The following ACLY variants were observed in gnomAD, a reference collection of about 807,000 sequenced individuals.
The protein encoded by ACLY is ATP-citrate synthase.
A neutral mutation model predicts 133.0 loss-of-function variants in ACLY; 41 were observed. The ratio of observed to expected loss-of-function variants is 0.31; its 90% confidence interval spans 0.24 to 0.40. The LOEUF (loss-of-function observed/expected upper bound fraction) is 0.40. ACLY is among the 10% of genes least tolerant of loss of function. ACLY has a pLI of 1.00. For missense variants in ACLY, 1,046 were observed against 1,453.8 expected, an observed-to-expected ratio of 0.72 and a Z score of 4.56; for synonymous variants, 495 against 549.3, an observed-to-expected ratio of 0.90 and a Z score of 1.38.
chr17:41,884,256 G>C lies in ACLY; in HGVS notation c.2091C>G (p.Phe697Leu). The C allele has an allele frequency of 6.2e-7, 1 of 1,611,550 alleles. No homozygotes were observed. The highest frequency in any genetic ancestry group is 8.5e-7 in the Non-Finnish European group (1 of 1,177,768). The change falls in exon 19 of 29, where the codon TTC becomes TTG. Residue 697 changes from phenylalanine (F) to leucine (L), a missense_variant. By Grantham distance (22) the Phe-to-Leu change is conservative. Coordinates refer to ENST00000352035, the MANE Select transcript of ACLY (RefSeq NM_001096.3). ...CCTGATAGCGTAACACATGATCCAT[G>C]AATGTGGAGCCCGGGTACCTGTTGA... ...IGGDRYPGST[F>L]MDHVLRYQDT...
rs181080963 is a variant in ACLY at position 41,871,852 on chromosome 17, G to A, written c.2794-20C>T. 449 of 1,613,056 alleles carry A rather than the reference G, an allele frequency of 2.8e-4. 3 individuals are homozygous for A. In the Admixed American group the frequency reaches 7.0e-3, roughly 25 times the overall value. On this transcript the variant is annotated intron_variant, in intron 24 of 28. Transcript: ENST00000352035. ...ATCCCCCTGGAGGAGAAACAAGTGC[G>A]TGTTGCCTTGAGCTTTAAGAGTTTC...
At chr17:41,924,747 C>T (rs1555635815) in intron 1 of ACLY, among the ~76,000 whole-genome samples, 1 of 152,142 alleles carries the variant, frequency 6.6e-6, no homozygotes, top group African/African-American at 2.4e-5. Flanking sequence ...TGGCTAGTTC[C>T]ACTCCTGGGC....
intron 23 of ACLY, among the ~76,000 whole-genome samples, chr17:41,872,953 C>T (rs1555625378): frequency 6.6e-6 from 1 of 152,168 alleles, no homozygotes; most frequent in Non-Finnish European, 1.5e-5. Flanking sequence ...GACCAAGACC[C>T]ATCTCTCTGC....
At chr17:41,905,815 C>T (rs2049699090) in intron 8 of ACLY, among the ~76,000 whole-genome samples, 157 bp from the exon 9 acceptor site, 1 of 152,202 alleles carries the variant, frequency 6.6e-6, no homozygotes, top group South Asian at 2.1e-4. Flanking sequence ...GCAAGTCTGG[C>T]CTGCAGGTTA....
chr17:41,893,746 C>T (rs181901326), intron 14 of ACLY, among the ~76,000 whole-genome samples: 119 of 152,302 alleles, frequency 7.8e-4, no homozygotes, highest in African/African-American at 2.7e-3. Context: ...GCAGCCTTAT[C>T]GCTAACTGTG....
At chr17:41,926,994 G>A (rs1555636044) in intron 1 of ACLY, among the ~76,000 whole-genome samples, 2 of 151,830 alleles carry the variant, frequency 1.3e-5, no homozygotes, top group African/African-American at 4.8e-5. Flanking sequence ...TCAGCCTCCC[G>A]AGTAACTGGG....
At chr17:41,909,257 G>A (rs1432291060) in intron 5 of ACLY, among the ~76,000 whole-genome samples, 189 bp from the exon 6 acceptor site, 1 of 152,182 alleles carries the variant, frequency 6.6e-6, no homozygotes, top group African/African-American at 2.4e-5. Flanking sequence ...AGGCGGAAAG[G>A]AGCTGTCAGG....
In ACLY at chr17:41,899,067, G is replaced by A. The variant is rs560440409; in HGVS notation, c.1184-282C>T. Among the ~76,000 whole-genome samples, 24 of 152,236 alleles carry A rather than the reference G, an allele frequency of 1.6e-4. No individual in the cohort carries two copies. The East Asian group carries it at 4.3e-3, about 27-fold the overall frequency. On this transcript the variant is annotated intron_variant, in intron 11 of 28. Transcript: ENST00000352035. ...AGGCGGGCAGATCACTTGAGGTCAG[G>A]AGTTTGAGACCAGCCTGGCCAACGT... is the stretch of plus-strand genomic sequence containing the variant.
intron 11 of ACLY, among the ~76,000 whole-genome samples, chr17:41,900,939 A>G (rs2049520354): frequency 6.6e-6 from 1 of 151,154 alleles, no homozygotes; most frequent in East Asian, 1.9e-4. Flanking sequence ...CTTTGCTCAA[A>G]TGTCAGTTTT....
At chr17:41,871,938 T>C in intron 24 of ACLY, 94 bp downstream of exon 24, 1 of 1,592,944 alleles carries the variant, frequency 6.3e-7, no homozygotes, top group Non-Finnish European at 8.6e-7. Flanking sequence ...GGTTTTACAC[T>C]CAGGGGCTCC....
At chr17:41,924,954 A>G (rs1288002720) in intron 1 of ACLY, among the ~76,000 whole-genome samples, 2 of 152,150 alleles carry the variant, frequency 1.3e-5, no homozygotes, top group African/African-American at 4.8e-5. Flanking sequence ...GAACCTGTGC[A>G]GCCCCTCCCA....
At chr17:41,905,436 A>T in intron 9 of ACLY, 86 bp downstream of exon 9, 2 of 1,559,030 alleles carry the variant, frequency 1.3e-6, no homozygotes, top group Non-Finnish European at 1.8e-6. Flanking sequence ...AGCCTTGGTG[A>T]CTCCTCAGAC....
At chr17:41,882,809 C>G (rs889232576) in intron 20 of ACLY, among the ~76,000 whole-genome samples, 4 of 152,164 alleles carry the variant, frequency 2.6e-5, no homozygotes, top group Non-Finnish European at 4.4e-5. Flanking sequence ...CTTCTCATCC[C>G]CTAAACTACA....
chr17:41,919,784 C>T (rs567093819), upstream of ACLY, among the ~76,000 whole-genome samples: 125 of 152,374 alleles, frequency 8.2e-4, no homozygotes, highest in African/African-American at 2.9e-3. Flanking sequence ...CCCCCTTCTC[C>T]ATTACCTGAG....
In ACLY at chr17:41,913,767, G is replaced by A. The variant is rs2049972116; in HGVS notation, c.107C>T (p.Pro36Leu). The A allele has an allele frequency of 1.2e-6, 2 of 1,614,148 alleles. No homozygotes were observed. The change falls in exon 2 of 29, where the codon CCT becomes CTT. Residue 36 changes from proline to leucine, a missense_variant. Pro to Leu is a moderately conservative substitution (Grantham distance 98). Coordinates refer to ENST00000352035, the MANE Select transcript of ACLY (RefSeq NM_001096.3). ...QNRFKYARVT[P>L]DTDWARLLQD... ...CAGCAAGCGGGCCCAGTCTGTGTCA[G>A]GAGTGACCCGAGCATACTTGAACCG... is the stretch of plus-strand genomic sequence containing the variant.
intron 16 of ACLY, among the ~76,000 whole-genome samples, chr17:41,888,234 G>A (rs1232100802): frequency 6.6e-6 from 1 of 152,190 alleles, no homozygotes; most frequent in Non-Finnish European, 1.5e-5. Context: ...AACACAAGTG[G>A]TGGATAGCCG....
chr17:41,898,904 A>C (rs2049447078), intron 11 of ACLY, 119 bp from the exon 12 acceptor site: 1 of 985,708 alleles, frequency 1.0e-6, no homozygotes, highest in Admixed American at 2.7e-5. Flanking sequence ...TCAGTGCAAG[A>C]CCAATATCCA....
intron 22 of ACLY, among the ~76,000 whole-genome samples, chr17:41,875,794 A>G (rs1163615659): frequency 6.6e-6 from 1 of 151,772 alleles, no homozygotes; most frequent in African/African-American, 2.4e-5. Flanking sequence ...GCTCGCTACA[A>G]CCTCCACCTC....
At chr17:41,927,224 T>G (rs1257182310) in intron 1 of ACLY, among the ~76,000 whole-genome samples, 1 of 152,260 alleles carries the variant, frequency 6.6e-6, no homozygotes, top group African/African-American at 2.4e-5. Context: ...ACAATCAAGA[T>G]AATGAACATA....
Sources: allele counts gnomAD v4.1 joint callset (sites outside exome capture counted in the v4.1 genomes callset), GRCh38; gene constraint gnomAD v4.1.1; transcripts MANE v1.5; gene names NCBI Gene and HGNC (gene_info 2026-07-23, HGNC 2026-07-21).